Variants in SYT1 observed in about 807,000 individuals in gnomAD.
The protein encoded by SYT1 is synaptotagmin 1, also known as synaptotagmin-1.
A neutral mutation model predicts 44.8 loss-of-function variants in SYT1; 8 were observed. The observed-to-expected ratio is 0.18, with a 90% CI of 0.10 to 0.32. The LOEUF is 0.32. Among genes scored for constraint, SYT1 ranks in the 10% least tolerant of loss-of-function variants. SYT1 has a pLI of 1.00. For missense variants in SYT1, 286 were observed against 509.3 expected (o/e 0.56, Z 4.22); for synonymous variants, 154 against 188.8 (o/e 0.82, Z 1.51).
intron 9 of SYT1, among the ~76,000 whole-genome samples, chr12:79,432,575 G>C (rs1445098913): frequency 3.3e-5 from 5 of 152,050 alleles, no homozygotes; most frequent in Admixed American, 6.6e-5. Context: ...GGTTAGGAAG[G>C]GGGTAGCACA....
chr12:79,158,253 G>C (rs1183355096), intron 3 of SYT1, among the ~76,000 whole-genome samples: 1 of 152,066 alleles, frequency 6.6e-6, no homozygotes, highest in Non-Finnish European at 1.5e-5. Context: ...GGGGTGATGG[G>C]AGACAATGAC....
At chr12:79,044,659 C>T (rs1317491563) in intron 2 of SYT1, among the ~76,000 whole-genome samples, 1 of 149,214 alleles carries the variant, frequency 6.7e-6, no homozygotes, top group Non-Finnish European at 1.5e-5. Flanking sequence ...AGCTTTGTTC[C>T]GTTGCTGGTG....
At chr12:79,437,320 A>C (rs1870146539) in intron 9 of SYT1, among the ~76,000 whole-genome samples, 1 of 152,182 alleles carries the variant, frequency 6.6e-6, no homozygotes, top group East Asian at 1.9e-4. Context: ...TGGATTTCTG[A>C]TCTTGAGACA....
intron 1 of SYT1, among the ~76,000 whole-genome samples, chr12:78,899,552 CT>C (rs1875545457): frequency 6.6e-6 from 1 of 151,830 alleles, no homozygotes; most frequent in South Asian, 2.1e-4. Context: ...GAAATACAAT[CT>C]ACTCTATTTA....
chr12:78,961,421 T>C (rs982134660), intron 1 of SYT1, among the ~76,000 whole-genome samples: 9 of 152,092 alleles, frequency 5.9e-5, no homozygotes, highest in African/African-American at 1.7e-4. Flanking sequence ...TTCCACACTT[T>C]AAATAGTTCT....
chr12:79,412,037 GA>G (rs1868464001), intron 9 of SYT1, among the ~76,000 whole-genome samples: 1 of 152,156 alleles, frequency 6.6e-6, no homozygotes, highest in Non-Finnish European at 1.5e-5. Flanking sequence ...CAGGGCAGTA[GA>G]AAGTTTATTA....
chr12:79,163,271 C>T (rs1871055989), intron 3 of SYT1, among the ~76,000 whole-genome samples: 2 of 152,040 alleles, frequency 1.3e-5, no homozygotes, highest in African/African-American at 4.8e-5. Flanking sequence ...TCCTTTCTGG[C>T]AACTGTAAAC....
chr12:79,253,858 T>C (rs1012135154), intron 4 of SYT1, among the ~76,000 whole-genome samples: 2 of 152,120 alleles, frequency 1.3e-5, no homozygotes, highest in African/African-American at 4.8e-5. Flanking sequence ...AAGGTCAAAC[T>C]AGCTACAACT....
At chr12:78,918,927 C>T (rs1334408611) in intron 1 of SYT1, among the ~76,000 whole-genome samples, 4 of 151,990 alleles carry the variant, frequency 2.6e-5, no homozygotes, top group Admixed American at 6.6e-5. Context: ...ATTGTTACCT[C>T]ATTTTTAAAT....
At chr12:78,889,002 C>T (rs533432193) in intron 1 of SYT1, among the ~76,000 whole-genome samples, 112 of 151,960 alleles carry the variant, frequency 7.4e-4, no homozygotes, top group African/African-American at 2.5e-3. Flanking sequence ...CTCCGAAACC[C>T]GTATTCTTTC....
In SYT1 at chr12:79,285,917, G is replaced by A. The variant is rs771559300; in HGVS notation, c.297G>A (p.Lys99=). Residue 99 remains lysine, a synonymous_variant, in exon 5 of 11, where the codon AAG becomes AAA. Coordinates refer to ENST00000261205, the MANE Select transcript of SYT1 (RefSeq NM_005639.3). ...AGAAGGGAAAGGAAAAAGGAGGGAAGAATGCCATTAACATGAAAGATGTAA... is the reference window on the plus strand; with the variant it reads ...AGAAGGGAAAGGAAAAAGGAGGGAAAAATGCCATTAACATGAAAGATGTAA... The part of the protein sequence containing the change: ...NKKKGKEKGG[K]NAINMKDVKD... 6 of 1,613,440 alleles carry A rather than the reference G, an allele frequency of 3.7e-6. No homozygotes were observed. The highest frequency in any genetic ancestry group is 5.1e-6 in the Non-Finnish European group (6 of 1,179,842).
At chr12:79,396,619 T>C (rs1347055042) in intron 9 of SYT1, among the ~76,000 whole-genome samples, 3 of 152,218 alleles carry the variant, frequency 2.0e-5, no homozygotes, top group Non-Finnish European at 4.4e-5. Flanking sequence ...ATGGAAGTTT[T>C]ATAAATTCTA....
chr12:79,349,416 C>A (rs774557811), intron 8 of SYT1, among the ~76,000 whole-genome samples: 5 of 152,048 alleles, frequency 3.3e-5, no homozygotes, highest in Non-Finnish European at 7.4e-5. Flanking sequence ...GTGGAATAAC[C>A]AAGTGGATGG....
intron 2 of SYT1, among the ~76,000 whole-genome samples, chr12:79,008,473 A>G (rs185686492): frequency 9.7e-4 from 148 of 152,316 alleles, no homozygotes; most frequent in African/African-American, 3.4e-3. Flanking sequence ...GATATATTCA[A>G]GAAATTTACT....
intron 1 of SYT1, among the ~76,000 whole-genome samples, chr12:78,927,039 G>A (rs138404231): frequency 3.3e-5 from 5 of 152,020 alleles, no homozygotes; most frequent in African/African-American, 1.2e-4. Context: ...CTTACTGATT[G>A]GTTAGTACCC....
At chr12:79,362,598 A>T (rs1404611563) in intron 9 of SYT1, among the ~76,000 whole-genome samples, 1 of 152,172 alleles carries the variant, frequency 6.6e-6, no homozygotes, top group African/African-American at 2.4e-5. Context: ...GGAGGAAAGC[A>T]GCTACAATAA....
At chr12:78,922,027 T>A (rs1472379106) in intron 1 of SYT1, among the ~76,000 whole-genome samples, 1 of 151,756 alleles carries the variant, frequency 6.6e-6, no homozygotes, top group East Asian at 1.9e-4. Context: ...ACAGGAAAAA[T>A]TTCAAAATAT....
rs1415656762 is a variant in SYT1 at position 79,393,545 on chromosome 12, C to CTGATGATGCAGTGATGACCAG, written c.928+39932_928+39933insTGCAGTGATGACCAGTGATGA. ...CATTGTGGTTTTGATTTGCATTTCTCTGATGACCAGTGATGATGAGCATTT... is the reference window on the plus strand; with the variant it reads ...CATTGTGGTTTTGATTTGCATTTCTCTGATGATGCAGTGATGACCAGTGATGACCAGTGATGATGAGCATTT... On this transcript the variant is annotated intron_variant, in intron 9 of 10. Transcript: ENST00000261205. 12 of 152,356 alleles carry CTGATGATGCAGTGATGACCAG rather than the reference C, an allele frequency of 7.9e-5. No homozygotes were observed. The East Asian group carries it at 2.3e-3, about 29-fold the overall frequency. The allele number at this position is 152,356 out of a possible 1,614,324, so 9.4% of individuals were successfully genotyped here.
chr12:79,230,044 C>T (rs1476106789), intron 4 of SYT1, among the ~76,000 whole-genome samples: 1 of 152,174 alleles, frequency 6.6e-6, no homozygotes, highest in Non-Finnish European at 1.5e-5. Flanking sequence ...AAGTGTGGGA[C>T]AGTTTCACAG....
Sources: allele counts gnomAD v4.1 joint callset (sites outside exome capture counted in the v4.1 genomes callset), GRCh38; gene constraint gnomAD v4.1.1; transcripts MANE v1.5; gene names NCBI Gene and HGNC (gene_info 2026-07-23, HGNC 2026-07-21).